The following EPB41L2 variants were observed in gnomAD, a reference collection of about 807,000 sequenced individuals.
EPB41L2 encodes erythrocyte membrane protein band 4.1 like 2, also known as band 4.1-like protein 2.
EPB41L2 carries 43 observed loss-of-function variants against 113.0 expected under a neutral mutation model. That is an observed-to-expected ratio of 0.38 (90% CI 0.30 to 0.49). The LOEUF (loss-of-function observed/expected upper bound fraction) is 0.49, where lower values mean the gene tolerates loss of function less well. EPB41L2 is among the 20% of genes least tolerant of loss of function. The pLI is 0.95. For missense variants in EPB41L2, 1,147 were observed against 1,223.4 expected (o/e 0.94, Z 0.93); for synonymous variants, 442 against 436.7 (o/e 1.01, Z -0.15).
At chr6:130,874,847 C>G (rs1253729244) in intron 14 of EPB41L2, among the ~76,000 whole-genome samples, 1 of 152,108 alleles carries the variant, frequency 6.6e-6, no homozygotes, top group Non-Finnish European at 1.5e-5. Flanking sequence ...TTAAACATCT[C>G]CACTAAAATG....
intron 4 of EPB41L2, among the ~76,000 whole-genome samples, chr6:130,917,284 G>A (rs1801418909): frequency 6.6e-6 from 1 of 152,138 alleles, no homozygotes; most frequent in African/African-American, 2.4e-5. Context: ...CCAAACTTTA[G>A]TCAGGCTCCT....
intron 1 of EPB41L2, among the ~76,000 whole-genome samples, chr6:131,044,236 G>A (rs7758016): frequency 0.28 from 42,521 of 151,178 alleles, 7,049 homozygotes; most frequent in Non-Finnish European, 0.37. Flanking sequence ...ATGTTGCCCC[G>A]GCTGGTCTCA....
At chr6:131,007,618 G>C (rs984260419) in intron 1 of EPB41L2, among the ~76,000 whole-genome samples, 1 of 152,170 alleles carries the variant, frequency 6.6e-6, no homozygotes, top group Non-Finnish European at 1.5e-5. Flanking sequence ...GAATGGCTTA[G>C]ACCAAAATGC....
intron 12 of EPB41L2, chr6:130,880,463 C>T: frequency 3.0e-6 from 2 of 655,816 alleles, no homozygotes; most frequent in East Asian, 2.7e-5. Context: ...CCTCTTCCAG[C>T]TGCGTTTCCT....
At position 130,956,470 on chromosome 6, in the gene EPB41L2, C is replaced by T. The variant is rs1817472671; in HGVS notation, c.16G>A (p.Gly6Ser). The stretch of plus-strand genomic sequence containing the variant: ...TCCTTCTTCACTTCAGACACAGAGC[C>T]TACTTCAGTAGTCATGGCCACAGCT... Reference protein sequence around the residue: MTTEVGSVSEVKKDSS... With the variant: MTTEVSSVSEVKKDSS... The change falls in exon 2 of 20, where the codon GGC becomes AGC. Residue 6 changes from glycine to serine, a missense_variant. Physicochemically the swap from Gly to Ser is moderately conservative, Grantham distance 56. Coordinates refer to ENST00000337057, the MANE Select transcript of EPB41L2 (RefSeq NM_001431.4). 1.2e-6 allele frequency: 2 copies of T among 1,613,094 alleles called. No homozygotes were observed. The highest frequency in any genetic ancestry group is 2.2e-5 in the East Asian group (1 of 44,892).
chr6:130,905,797 C>T (rs1797553622), intron 5 of EPB41L2, among the ~76,000 whole-genome samples: 1 of 152,142 alleles, frequency 6.6e-6, no homozygotes, highest in Admixed American at 6.5e-5. Flanking sequence ...TTCCTTGAAT[C>T]CCATTCTCTT....
intron 19 of EPB41L2, among the ~76,000 whole-genome samples, chr6:130,843,538 A>G (rs1252885763): frequency 6.6e-6 from 1 of 152,246 alleles, no homozygotes; most frequent in Non-Finnish European, 1.5e-5. Context: ...TTTCACTTTT[A>G]CACTATCACA....
intron 1 of EPB41L2, chr6:130,978,905 T>A (rs981258468): frequency 1.3e-5 from 2 of 152,110 alleles, no homozygotes; most frequent in African/African-American, 4.8e-5. Context: ...CTGGGCTTAT[T>A]ATAAGTGGGT....
intron 4 of EPB41L2, among the ~76,000 whole-genome samples, chr6:130,920,941 T>G (rs1045587579): frequency 6.6e-6 from 1 of 152,096 alleles, no homozygotes; most frequent in African/African-American, 2.4e-5. Context: ...CTAGCATACC[T>G]CAAACTGCTG....
intron 1 of EPB41L2, among the ~76,000 whole-genome samples, chr6:131,056,342 A>G (rs1584823630): frequency 1.3e-5 from 2 of 152,252 alleles, no homozygotes; most frequent in Non-Finnish European, 2.9e-5. Context: ...CTCTGGCAAC[A>G]TAACAAAAAA....
At chr6:130,917,270 T>C (rs1262895226) in intron 4 of EPB41L2, among the ~76,000 whole-genome samples, 1 of 152,242 alleles carries the variant, frequency 6.6e-6, no homozygotes, top group Non-Finnish European at 1.5e-5. Context: ...GAGTCTTTTC[T>C]TGACCAAACT....
At chr6:130,886,791 G>A (rs188296503) in intron 11 of EPB41L2, among the ~76,000 whole-genome samples, 167 of 152,012 alleles carry the variant, frequency 1.1e-3, no homozygotes, top group Middle Eastern at 3.4e-3. Context: ...GCGCCACCAC[G>A]CCTGGCTAAT....
intron 13 of EPB41L2, among the ~76,000 whole-genome samples, chr6:130,879,925 T>TC (rs1202339078): frequency 6.6e-6 from 1 of 152,190 alleles, no homozygotes; most frequent in African/African-American, 2.4e-5. Flanking sequence ...AACTTTTTTT[T>TC]CCCACTTGTC....
In EPB41L2 at chr6:130,894,362, T is replaced by G; in HGVS notation, c.1469A>C (p.Glu490Ala). ...AAKRLWKVCV[E>A]HHTFYRLVSP... ...AAATTACCTGTAGAAAGTATGATGC[T>G]CCACGCACACTTTCCATAGTCTTTT... Residue 490 changes from glutamate (E) to alanine (A), a missense_variant, in exon 10 of 20, where the codon GAG becomes GCG. Coordinates refer to ENST00000337057, the MANE Select transcript of EPB41L2 (RefSeq NM_001431.4). 1 of 1,613,712 alleles carries G rather than the reference T, an allele frequency of 6.2e-7. No homozygotes were observed. The highest frequency in any genetic ancestry group is 1.1e-5 in the South Asian group (1 of 91,054).
intron 1 of EPB41L2, among the ~76,000 whole-genome samples, chr6:130,971,641 T>G (rs184791969): frequency 6.6e-6 from 1 of 152,240 alleles, no homozygotes; most frequent in African/African-American, 2.4e-5. Context: ...TATTTCATCA[T>G]GCTACTAAAA....
intron 9 of EPB41L2, among the ~76,000 whole-genome samples, chr6:130,894,690 C>T (rs894443824): frequency 2.6e-5 from 4 of 152,148 alleles, no homozygotes; most frequent in Admixed American, 6.5e-5. Context: ...CATCTTATTG[C>T]TTTCCTAATG....
chr6:130,899,508 C>T lies in EPB41L2; in HGVS notation c.1219G>A (p.Asp407Asn), dbSNP rs1795693764. The T allele has an allele frequency of 1.2e-6, 2 of 1,613,794 alleles. No individual in the cohort carries two copies. The highest frequency in any genetic ancestry group is 2.7e-5 in the African/African-American group (2 of 75,034). ...TACAGTACCTTGGCATGATGTAGGT[C>T]AACACCATACATGGAAAGCCTCTTT... is the stretch of plus-strand genomic sequence containing the variant. ...NAKRLSMYGV[D>N]LHHAKDSEGV... Residue 407 changes from aspartate to asparagine, a missense_variant, in exon 8 of 20, where the codon GAC becomes AAC. Coordinates refer to ENST00000337057, the MANE Select transcript of EPB41L2 (RefSeq NM_001431.4).
intron 3 of EPB41L2, among the ~76,000 whole-genome samples, chr6:130,941,844 C>T (rs1811010066): frequency 6.6e-6 from 1 of 152,110 alleles, no homozygotes; most frequent in Non-Finnish European, 1.5e-5. Context: ...AGGTGCCTCT[C>T]CAGAATATAA....
chr6:130,880,418 T>G (rs1253374495), intron 12 of EPB41L2: 1 of 629,830 alleles, frequency 1.6e-6, no homozygotes, highest in Non-Finnish European at 2.8e-6. Context: ...CAGGCAGCAG[T>G]CATGAGATGT....
Sources: allele counts gnomAD v4.1 joint callset (sites outside exome capture counted in the v4.1 genomes callset), GRCh38; gene constraint gnomAD v4.1.1; transcripts MANE v1.5; gene names NCBI Gene and HGNC (gene_info 2026-07-23, HGNC 2026-07-21).